The following FUT8 variants were observed in gnomAD, a reference collection of about 807,000 sequenced individuals.
FUT8 encodes the protein fucosyltransferase 8.
In FUT8, 29 loss-of-function variants were observed where a neutral mutation model predicts 71.3. That is an observed-to-expected ratio of 0.41 (90% CI 0.30 to 0.55). FUT8 has a LOEUF of 0.55. Ranked by LOEUF, FUT8 falls within the 20% of genes least tolerant of loss-of-function variation. The probability of loss-of-function intolerance (pLI) is 0.34; values close to 1 mark genes in which losing one functional copy is unlikely to be tolerated. For synonymous variants in FUT8, 254 were observed against 239.3 expected (o/e 1.06, Z -0.57); for missense variants, 544 against 702.1 (o/e 0.77, Z 2.55).
At position 65,607,856 on chromosome 14, in the gene FUT8, G is replaced by A. The variant is rs1487527589; in HGVS notation, c.204-8122G>A. 6.6e-6 allele frequency among the ~76,000 whole-genome samples: 1 copy of A among 151,798 alleles called. No individual in the cohort carries two copies. The highest frequency in any genetic ancestry group is 2.4e-5 in the African/African-American group (1 of 41,382). ...AAGTGGGCAGATCATGAGGTCAGGA[G>A]ATCGAGACCATTACTGGCCAACATG... On this transcript the variant is annotated intron_variant, in intron 3 of 10. Transcript: ENST00000673929. This position sits in a 1 kb window ranked among gnomAD's most constrained non-coding sequence, Gnocchi z 4.1.
the FUT8 span, among the ~76,000 whole-genome samples, chr14:65,381,460 A>G: frequency 6.6e-6 from 1 of 152,190 alleles, no homozygotes; most frequent in Non-Finnish European, 1.5e-5. Context: ...ATCTGACAAC[A>G]TTTGTCCTTG....
chr14:65,435,671 A>G (rs773858666), intron 1 of FUT8, among the ~76,000 whole-genome samples: 6 of 150,856 alleles, frequency 4.0e-5, no homozygotes, highest in African/African-American at 7.2e-5. Context: ...GTAATTTTGT[A>G]TGAAACTGCC....
intron 6 of FUT8, among the ~76,000 whole-genome samples, chr14:65,651,406 C>G (rs554192771): frequency 2.0e-4 from 31 of 152,324 alleles, no homozygotes; most frequent in Admixed American, 2.0e-3. Context: ...TGATTCACAG[C>G]CCATAAAAGT....
At chr14:65,612,353 T>C (rs1479913756) in intron 3 of FUT8, among the ~76,000 whole-genome samples, 1 of 152,206 alleles carries the variant, frequency 6.6e-6, no homozygotes, top group Non-Finnish European at 1.5e-5. Flanking sequence ...GCCAAATCCT[T>C]CTGAGCATTT....
At position 65,472,562 on chromosome 14, in the gene FUT8, G is replaced by A. The variant is rs1374038459; in HGVS notation, c.-228+16844G>A. On this transcript the variant is annotated intron_variant, in intron 2 of 10. Coordinates refer to ENST00000673929, the MANE Select transcript of FUT8 (RefSeq NM_001371533.1). The surrounding 1 kb of genome is among the most constrained non-coding windows in gnomAD (Gnocchi z 4.4). ...AGGTTTATTTTTATATTCTTATACT[G>A]TAAAAAAAAAAACAACTTTATTTTT... Among the ~76,000 whole-genome samples, 1 of 150,546 alleles carries A rather than the reference G, an allele frequency of 6.6e-6. No homozygotes were observed. The highest frequency in any genetic ancestry group is 1.5e-5 in the Non-Finnish European group (1 of 67,704).
chr14:65,475,656 G>A (rs573110330), intron 2 of FUT8, among the ~76,000 whole-genome samples: 5 of 151,990 alleles, frequency 3.3e-5, no homozygotes, highest in South Asian at 2.1e-4. Context: ...GCAGAGGATC[G>A]CTTGAGCTCA....
At chr14:65,435,254 T>C (rs1203277811) in intron 1 of FUT8, among the ~76,000 whole-genome samples, 1 of 152,322 alleles carries the variant, frequency 6.6e-6, no homozygotes, top group Non-Finnish European at 1.5e-5. Context: ...TGTTTATATG[T>C]ATTATTTTTG....
At chr14:65,404,996 A>G in the FUT8 span, among the ~76,000 whole-genome samples, 1 of 152,228 alleles carries the variant, frequency 6.6e-6, no homozygotes, top group Non-Finnish European at 1.5e-5. Context: ...TGAGCAATCC[A>G]GGATTGGCGT....
chr14:65,480,824 C>T (rs899670621), intron 2 of FUT8, among the ~76,000 whole-genome samples: 1 of 151,874 alleles, frequency 6.6e-6, no homozygotes, highest in African/African-American at 2.4e-5. Context: ...GTAGCTGGGA[C>T]TACAGGCGTG....
At chr14:65,739,906 A>G (rs970378124) in intron 10 of FUT8, among the ~76,000 whole-genome samples, 1 of 152,078 alleles carries the variant, frequency 6.6e-6, no homozygotes, top group African/African-American at 2.4e-5. Context: ...GGATGCTGAA[A>G]GGAATCTAAT....
intron 5 of FUT8, among the ~76,000 whole-genome samples, chr14:65,619,274 GT>G (rs1210579439): frequency 6.6e-6 from 1 of 152,138 alleles, no homozygotes; most frequent in Admixed American, 6.5e-5. Flanking sequence ...TGCCTGTGTT[GT>G]TTCCTGGTAG....
intron 9 of FUT8, among the ~76,000 whole-genome samples, chr14:65,730,053 A>T (rs556727010): frequency 1.3e-5 from 2 of 152,190 alleles, no homozygotes; most frequent in Admixed American, 6.5e-5. Context: ...TGGTTTTGAT[A>T]CCTAAGCAAA....
chr14:65,494,216 T>C (rs1461009933), intron 2 of FUT8, among the ~76,000 whole-genome samples: 1 of 150,512 alleles, frequency 6.6e-6, no homozygotes, highest in Admixed American at 6.7e-5. Flanking sequence ...TTTAACGTAA[T>C]GTATTCAAAA....
the FUT8 span, among the ~76,000 whole-genome samples, chr14:65,388,622 C>T: frequency 6.6e-6 from 1 of 151,928 alleles, no homozygotes; most frequent in South Asian, 2.1e-4. Flanking sequence ...ATTAGCCGGG[C>T]GTGATGGTGT....
intron 10 of FUT8, among the ~76,000 whole-genome samples, chr14:65,740,101 A>G (rs573448731): frequency 1.3e-5 from 2 of 152,158 alleles, no homozygotes; most frequent in Admixed American, 6.6e-5. Flanking sequence ...TTGAAATTCA[A>G]AAGTTCCAAA....
chr14:65,496,917 C>T lies in FUT8; in HGVS notation c.-228+41199C>T, dbSNP rs143859362. 6.2e-3 allele frequency among the ~76,000 whole-genome samples: 938 copies of T among 152,222 alleles called. 10 individuals are homozygous for T. Among genetic ancestry groups the T allele is most frequent in the East Asian group, 0.035 (182 of 5,170 alleles). On this transcript the variant is annotated intron_variant, in intron 2 of 10. Coordinates refer to ENST00000673929, the MANE Select transcript of FUT8 (RefSeq NM_001371533.1). The stretch of plus-strand genomic sequence containing the variant: ...ACATGGGTTGTCTTGAATTCTGTCT[C>T]TGACCCTTAACTACCCCTGTGACAT...
intron 2 of FUT8, among the ~76,000 whole-genome samples, chr14:65,464,971 G>T (rs2066021451): frequency 1.3e-5 from 2 of 152,154 alleles, no homozygotes; most frequent in East Asian, 1.9e-4. Context: ...TGTTTTGGAA[G>T]ATTATTAATT....
intron 6 of FUT8, chr14:65,646,673 T>A (rs1306733354): frequency 6.6e-6 from 1 of 152,174 alleles, no homozygotes; most frequent in Non-Finnish European, 1.5e-5. Context: ...AATGACTTTT[T>A]TTTTTTTGGT....
intron 7 of FUT8, among the ~76,000 whole-genome samples, chr14:65,680,967 T>G (rs1893008202): frequency 6.6e-6 from 1 of 152,206 alleles, no homozygotes; most frequent in Non-Finnish European, 1.5e-5. Flanking sequence ...TTTGTGTACT[T>G]TTACTGATAT....
Sources: gnomAD v4.1 joint callset for allele counts (sites outside exome capture counted in the v4.1 genomes callset) on GRCh38, gnomAD v4.1.1 for gene constraint, Gnocchi (gnomAD v3.1) non-coding constraint, MANE v1.5 for transcripts, NCBI Gene and HGNC (gene_info 2026-07-23, HGNC 2026-07-21) for gene names.